Variants in ABHD5 observed in about 807,000 individuals in gnomAD.
The protein encoded by ABHD5 is abhydrolase domain containing 5, lysophosphatidic acid acyltransferase, also known as 1-acylglycerol-3-phosphate O-acyltransferase ABHD5.
In ABHD5, 30 loss-of-function variants were observed where a neutral mutation model predicts 44.9. The observed-to-expected ratio is 0.67, with a 90% CI of 0.50 to 0.91. The LOEUF (loss-of-function observed/expected upper bound fraction) is 0.91, where lower values mean the gene tolerates loss of function less well. Among genes scored for constraint, ABHD5 ranks in the 40% least tolerant of loss-of-function variants. The pLI is 0.00. For missense variants in ABHD5, 399 were observed against 423.4 expected, an observed-to-expected ratio of 0.94 and a Z score of 0.50; for synonymous variants, 167 against 147.0, an observed-to-expected ratio of 1.14 and a Z score of -0.99.
At chr3:43,703,084 G>GT (rs1398551707) in intron 3 of ABHD5, among the ~76,000 whole-genome samples, 1 of 151,722 alleles carries the variant, frequency 6.6e-6, no homozygotes, top group Non-Finnish European at 1.5e-5. Flanking sequence ...ATATCCCAGG[G>GT]TTTTTTATTA....
At chr3:43,727,568 C>T (rs1462345571), downstream of ABHD5, among the ~76,000 whole-genome samples, 1 of 152,078 alleles carries the variant, frequency 6.6e-6, no homozygotes, top group East Asian at 1.9e-4. Flanking sequence ...TTAGCCAATG[C>T]AGGAAAAAAT....
intron 4 of ABHD5, among the ~76,000 whole-genome samples, chr3:43,712,824 G>A (rs527726311): frequency 2.0e-5 from 3 of 152,130 alleles, no homozygotes; most frequent in East Asian, 1.9e-4. Context: ...ATAAAAGCAC[G>A]AAAAATGGTC....
In ABHD5 at chr3:43,720,313, A is replaced by C. The variant is rs1013660068; in HGVS notation, c.*1781A>C. 6.6e-6 allele frequency: 1 copy of C among 152,186 alleles called. No homozygotes were observed. Among genetic ancestry groups the C allele is most frequent in the African/African-American group, 2.4e-5 (1 of 41,440 alleles). The allele number at this position is 152,186 out of a possible 1,614,324, so 9.4% of individuals were successfully genotyped here. On this transcript the variant is annotated 3_prime_UTR_variant, in exon 7 of 7. Transcript: ENST00000644371. ...GAATGACAGGTTTCACTTATACAGG[A>C]AGGTTTTTGCACAGGAAATTTGGTC...
chr3:43,727,525 T>C (rs1286959410), downstream of ABHD5, among the ~76,000 whole-genome samples: 3 of 152,244 alleles, frequency 2.0e-5, no homozygotes, highest in Non-Finnish European at 4.4e-5. Flanking sequence ...AATCTATAGA[T>C]ATTTCACTTT....
At chr3:43,723,663 T>C (rs1451567722), downstream of ABHD5, among the ~76,000 whole-genome samples, 1 of 152,158 alleles carries the variant, frequency 6.6e-6, no homozygotes. Context: ...ACACAGGAGA[T>C]TGAAAAGCAC....
chr3:43,710,656 T>A (rs1219549589), intron 3 of ABHD5, among the ~76,000 whole-genome samples: 1 of 152,238 alleles, frequency 6.6e-6, no homozygotes, highest in East Asian at 1.9e-4. Context: ...AATAATAGAA[T>A]AGATTTTATA....
At chr3:43,712,537 T>C (rs2084701922) in intron 4 of ABHD5, among the ~76,000 whole-genome samples, 1 of 152,210 alleles carries the variant, frequency 6.6e-6, no homozygotes, top group Non-Finnish European at 1.5e-5. Context: ...AATGATGTTC[T>C]GAACTTCTGC....
At position 43,711,702 on chromosome 3, in the gene ABHD5, C is replaced by T; in HGVS notation, c.507-7C>T. 1 of 1,614,040 alleles carries T rather than the reference C, an allele frequency of 6.2e-7. No homozygotes were observed. The highest frequency in any genetic ancestry group is 8.5e-7 in the Non-Finnish European group (1 of 1,179,964). ...AATGAACTTAAATATATTCTTTCCC[C>T]CAACAGGGTTAATCATCTCATTTTA... On this transcript the variant is annotated splice_polypyrimidine_tract_variant and splice_region_variant and intron_variant, in intron 3 of 6. Coordinates refer to ENST00000644371, the MANE Select transcript of ABHD5 (RefSeq NM_016006.6).
rs767197048 is a variant in ABHD5, at chr3:43,702,511, T to C, written c.430T>C (p.Leu144=). ...SIEEWRCALG[L]DKMILLGHNL... ...TGAAGAGTGGAGATGTGCCCTAGGA[T>C]TGGACAAAATGATCTTGCTTGGGCA... Residue 144 remains leucine (L), a synonymous_variant, in exon 3 of 7, where the codon TTG becomes CTG. Coordinates refer to ENST00000644371, the MANE Select transcript of ABHD5 (RefSeq NM_016006.6). 31 of 1,614,204 alleles carry C rather than the reference T, an allele frequency of 1.9e-5. No individual in the cohort carries two copies. In the East Asian group the frequency reaches 3.8e-4, roughly 20 times the overall value.
chr3:43,705,567 A>G (rs2084608061), intron 3 of ABHD5, among the ~76,000 whole-genome samples: 1 of 152,254 alleles, frequency 6.6e-6, no homozygotes, highest in African/African-American at 2.4e-5. Context: ...TAAATCTACT[A>G]AATAAAAGTA....
intron 3 of ABHD5, among the ~76,000 whole-genome samples, chr3:43,711,261 C>G (rs2084685498): frequency 6.6e-6 from 1 of 152,158 alleles, no homozygotes; most frequent in Non-Finnish European, 1.5e-5. Context: ...TAGGAGATAA[C>G]TGTTGTTGGT....
At chr3:43,729,677 C>T (rs956502973) in intron 7 of ABHD5, among the ~76,000 whole-genome samples, 2 of 152,138 alleles carry the variant, frequency 1.3e-5, no homozygotes, top group East Asian at 3.8e-4. Flanking sequence ...TTTGTCTAGC[C>T]AAGTTTTGAG....
upstream of ABHD5, chr3:43,690,889 C>A: frequency 7.7e-7 from 1 of 1,294,020 alleles, no homozygotes; most frequent in Non-Finnish European, 1.0e-6. Context: ...AAGACGCATG[C>A]GCTGGCGGCC....
At chr3:43,727,473 G>A (rs947132055), downstream of ABHD5, among the ~76,000 whole-genome samples, 5 of 151,434 alleles carry the variant, frequency 3.3e-5, no homozygotes, top group Non-Finnish European at 7.4e-5. Flanking sequence ...CTTACATTTT[G>A]TTTCTGTACT....
intron 4 of ABHD5, 112 bp downstream of exon 4, chr3:43,711,975 T>C: frequency 7.1e-7 from 1 of 1,402,132 alleles, no homozygotes. Context: ...GAACCCTTAC[T>C]TTTTCTCCTC....
intron 1 of ABHD5, among the ~76,000 whole-genome samples, chr3:43,696,913 T>G (rs1019297992): frequency 2.0e-5 from 3 of 152,076 alleles, no homozygotes; most frequent in Non-Finnish European, 4.4e-5. Context: ...CTTTAAAAAA[T>G]CACCTGTTTT....
intron 4 of ABHD5, among the ~76,000 whole-genome samples, chr3:43,714,173 C>T (rs1425394400): frequency 1.4e-5 from 2 of 140,386 alleles, no homozygotes; most frequent in African/African-American, 5.4e-5. Flanking sequence ...CTCGCTCTGT[C>T]GCCCAGGTTA....
intron 7 of ABHD5, among the ~76,000 whole-genome samples, chr3:43,732,381 G>T (rs1019915999): frequency 6.6e-6 from 1 of 152,104 alleles, no homozygotes; most frequent in African/African-American, 2.4e-5. Context: ...AGTGAAACGA[G>T]ATTGCACCAC....
chr3:43,696,799 T>C (rs928708709), intron 1 of ABHD5, among the ~76,000 whole-genome samples: 9 of 152,170 alleles, frequency 5.9e-5, no homozygotes, highest in Non-Finnish European at 1.3e-4. Flanking sequence ...ACAGAAGCAT[T>C]ATCAGGGCTT....
Sources: allele counts gnomAD v4.1 joint callset (sites outside exome capture counted in the v4.1 genomes callset), GRCh38; gene constraint gnomAD v4.1.1; transcripts MANE v1.5; gene names NCBI Gene and HGNC (gene_info 2026-07-23, HGNC 2026-07-21).